The following SLC28A3 variants were observed in gnomAD, a reference collection of about 807,000 sequenced individuals.
The protein encoded by SLC28A3 is solute carrier family 28 member 3, also known as concentrative Na(+)-nucleoside cotransporter 3.
SLC28A3 carries 68 observed loss-of-function variants against 84.2 expected under a neutral mutation model. That is an observed-to-expected ratio of 0.81 (90% CI 0.66 to 0.99). The LOEUF is 0.99. Among genes scored for constraint, SLC28A3 ranks in the 50% least tolerant of loss-of-function variants. The pLI, the probability that SLC28A3 is intolerant of heterozygous loss-of-function variation, is 0.00. For synonymous variants in SLC28A3, 267 were observed against 303.6 expected, an observed-to-expected ratio of 0.88 and a Z score of 1.25; for missense variants, 712 against 841.5, an observed-to-expected ratio of 0.85 and a Z score of 1.90.
chr9:84,361,338 C>T, the SLC28A3 span, among the ~76,000 whole-genome samples: 40 of 152,122 alleles, frequency 2.6e-4, no homozygotes, highest in African/African-American at 9.4e-4. Flanking sequence ...AGCGAGACTC[C>T]GTCTCAAAAA....
chr9:84,303,172 G>T (rs1191327334), intron 4 of SLC28A3, among the ~76,000 whole-genome samples: 1 of 152,168 alleles, frequency 6.6e-6, no homozygotes, highest in East Asian at 1.9e-4. Flanking sequence ...ATGTGCCTCA[G>T]TATGCCCCTT....
chr9:84,342,091 T>G, upstream of SLC28A3, among the ~76,000 whole-genome samples: 1 of 134,026 alleles, frequency 7.5e-6, no homozygotes, highest in Non-Finnish European at 1.5e-5. Flanking sequence ...AACGCACCGC[T>G]GCCTCCCATC....
intron 1 of SLC28A3, among the ~76,000 whole-genome samples, chr9:84,316,098 A>C (rs1015969542): frequency 6.6e-6 from 1 of 152,140 alleles, no homozygotes; most frequent in Non-Finnish European, 1.5e-5. Context: ...CCAGGAGTAC[A>C]TTGTGCCTGG....
intron 5 of SLC28A3, among the ~76,000 whole-genome samples, chr9:84,301,103 A>T (rs1394994325): frequency 1.3e-5 from 2 of 152,096 alleles, no homozygotes; most frequent in South Asian, 2.1e-4. Context: ...TAATCCCAGC[A>T]CTTTGGGAGG....
intron 12 of SLC28A3, 130 bp from the exon 13 acceptor site, chr9:84,286,241 C>A (rs888672725): frequency 1.3e-6 from 1 of 779,480 alleles, no homozygotes; most frequent in Admixed American, 2.8e-5. Context: ...GCTCAAAATA[C>A]TCACCTGAAT....
chr9:84,316,066 C>A (rs1826161434), intron 1 of SLC28A3, among the ~76,000 whole-genome samples: 1 of 149,708 alleles, frequency 6.7e-6, no homozygotes, highest in Non-Finnish European at 1.5e-5. Context: ...ATTGAGCCCC[C>A]TTTGAAGGGA....
chr9:84,349,118 G>A, the SLC28A3 span, among the ~76,000 whole-genome samples: 1 of 152,118 alleles, frequency 6.6e-6, no homozygotes, highest in African/African-American at 2.4e-5. Context: ...AGCAAAGGGT[G>A]GTGGGATTAT....
chr9:84,344,812 G>A (rs570747202), upstream of SLC28A3, among the ~76,000 whole-genome samples: 20 of 152,148 alleles, frequency 1.3e-4, no homozygotes, highest in African/African-American at 4.8e-4. Flanking sequence ...TCCTCCCCTT[G>A]CTTTGAGTTG....
At chr9:84,341,291 T>C (rs545124149), upstream of SLC28A3, among the ~76,000 whole-genome samples, 3 of 152,080 alleles carry the variant, frequency 2.0e-5, no homozygotes, top group Non-Finnish European at 4.4e-5. Flanking sequence ...ACGTTCTCTA[T>C]AGTGCTTAGT....
At chr9:84,301,895 C>T (rs755733534) in intron 5 of SLC28A3, among the ~76,000 whole-genome samples, 1 of 152,218 alleles carries the variant, frequency 6.6e-6, no homozygotes, top group Non-Finnish European at 1.5e-5. Flanking sequence ...GGAGGTGTCT[C>T]TTCCTAATAT....
chr9:84,280,799 A>G lies in SLC28A3; in HGVS notation c.1729+2T>C. On this transcript the variant is annotated splice_donor_variant, in intron 15 of 17. Coordinates refer to ENST00000376238, the MANE Select transcript of SLC28A3 (RefSeq NM_001199633.2). LOFTEE classifies it high-confidence loss of function. ...TTGTTGAAGAATGTTCTTTTCACTT[A>G]CTGAGTCCGCCGATCACGATTCCTA... The G allele has an allele frequency of 6.2e-7, 1 of 1,613,960 alleles. No individual in the cohort carries two copies. The highest frequency in any genetic ancestry group is 1.1e-5 in the South Asian group (1 of 91,044).
intron 8 of SLC28A3, among the ~76,000 whole-genome samples, chr9:84,296,259 G>A (rs1459699409): frequency 6.6e-6 from 1 of 152,206 alleles, no homozygotes; most frequent in African/African-American, 2.4e-5. Flanking sequence ...CTGCCAGGTA[G>A]AGGTTGCTGG....
intron 1 of SLC28A3, among the ~76,000 whole-genome samples, chr9:84,326,630 TAAAAAC>T (rs1564174502): frequency 7.6e-6 from 1 of 132,112 alleles, no homozygotes; most frequent in Admixed American, 8.5e-5. Flanking sequence ...ATAGATGGAT[TAAAAAC>T]AACAACAACA....
At chr9:84,327,360 CG>C (rs1203438216) in intron 1 of SLC28A3, among the ~76,000 whole-genome samples, 45 of 75,204 alleles carry the variant, frequency 6.0e-4, no homozygotes, top group African/African-American at 1.6e-3. Flanking sequence ...TTCAGAACAC[CG>C]AAAAAAAAAA....
intron 1 of SLC28A3, among the ~76,000 whole-genome samples, chr9:84,338,752 A>G (rs747463280): frequency 5.9e-5 from 9 of 152,272 alleles, no homozygotes; most frequent in Admixed American, 3.3e-4. Flanking sequence ...ATTCTCTGGA[A>G]TCAGAATGGG....
At chr9:84,327,652 T>TG (rs1157291926) in intron 1 of SLC28A3, among the ~76,000 whole-genome samples, 1 of 151,942 alleles carries the variant, frequency 6.6e-6, no homozygotes, top group Non-Finnish European at 1.5e-5. Context: ...CTTGGATGGG[T>TG]GCGGTGGCTA....
chr9:84,285,632 G>T, intron 13 of SLC28A3, 90 bp from the exon 14 acceptor site: 1 of 1,340,766 alleles, frequency 7.5e-7, no homozygotes, highest in Non-Finnish European at 1.1e-6. Context: ...TGACCCCTCT[G>T]TCTCCTTTAG....
At chr9:84,308,936 G>A (rs1261807670) in intron 3 of SLC28A3, among the ~76,000 whole-genome samples, 2 of 152,210 alleles carry the variant, frequency 1.3e-5, no homozygotes, top group African/African-American at 4.8e-5. Context: ...ACCGTTTGTT[G>A]GGATTTAAAG....
chr9:84,365,661 A>G, the SLC28A3 span, among the ~76,000 whole-genome samples: 3 of 152,150 alleles, frequency 2.0e-5, no homozygotes, highest in Admixed American at 1.3e-4. Flanking sequence ...TTATTTTTGT[A>G]TATGGGGAGA....
Sources: allele counts gnomAD v4.1 joint callset (sites outside exome capture counted in the v4.1 genomes callset), GRCh38; gene constraint gnomAD v4.1.1; transcripts MANE v1.5; gene names NCBI Gene and HGNC (gene_info 2026-07-23, HGNC 2026-07-21).